Variants in FSTL5 observed in about 807,000 individuals in gnomAD.
FSTL5 encodes follistatin like 5, also known as follistatin-related protein 5.
In FSTL5, 62 loss-of-function variants were observed where a neutral mutation model predicts 89.1. The observed-to-expected ratio is 0.70, with a 90% CI of 0.57 to 0.86. FSTL5 has a LOEUF of 0.86. Ranked by LOEUF, FSTL5 falls within the 40% of genes least tolerant of loss-of-function variation. The pLI is 0.00. For missense variants in FSTL5, 1,057 were observed against 1,001.6 expected (o/e 1.06, Z -0.75); for synonymous variants, 383 against 346.2 (o/e 1.11, Z -1.18).
At chr4:161,767,891 A>G (rs1407237078) in intron 5 of FSTL5, among the ~76,000 whole-genome samples, 3 of 143,090 alleles carry the variant, frequency 2.1e-5, no homozygotes, top group African/African-American at 6.0e-5. Flanking sequence ...AATGAAAAAC[A>G]AAGACACACC....
chr4:161,611,285 T>C (rs1232490582), intron 7 of FSTL5, among the ~76,000 whole-genome samples: 1 of 146,320 alleles, frequency 6.8e-6, no homozygotes, highest in Non-Finnish European at 1.5e-5. Flanking sequence ...CCTGAATCAG[T>C]AGATTATGTC....
chr4:161,385,736 T>A lies in FSTL5; in HGVS notation c.*11A>T. 2.0e-6 allele frequency: 3 copies of A among 1,511,174 alleles called. No individual in the cohort carries two copies. The highest frequency in any genetic ancestry group is 2.7e-6 in the Non-Finnish European group (3 of 1,111,700). The allele number at this position is 1,511,174 out of a possible 1,614,324, so 93.6% of individuals were successfully genotyped here. A position where few individuals can be genotyped will look rare whatever the true frequency, so the allele number is the denominator to read the frequency against. ...TAAAACGCTTCATTCAATAATTGTA[T>A]CGTAGGGTTTTTAGGCATCTCCAAC... On this transcript the variant is annotated 3_prime_UTR_variant, in exon 16 of 16. Coordinates refer to ENST00000306100, the MANE Select transcript of FSTL5 (RefSeq NM_020116.5).
At chr4:161,676,502 G>A (rs903484691) in intron 6 of FSTL5, among the ~76,000 whole-genome samples, 1 of 151,908 alleles carries the variant, frequency 6.6e-6, no homozygotes, top group Non-Finnish European at 1.5e-5. Context: ...GGGGCCTGTC[G>A]GGAGGTGAGG....
At chr4:161,651,487 G>T (rs1012171154) in intron 7 of FSTL5, among the ~76,000 whole-genome samples, 3 of 151,978 alleles carry the variant, frequency 2.0e-5, no homozygotes, top group Admixed American at 6.6e-5. Flanking sequence ...TAGGTTCAGG[G>T]TATATGTACT....
chr4:161,958,230 T>C (rs1002169516), intron 3 of FSTL5, among the ~76,000 whole-genome samples: 6 of 152,052 alleles, frequency 3.9e-5, no homozygotes, highest in Admixed American at 2.6e-4. Context: ...AAATTCTTTC[T>C]GTAGTTTCTT....
intron 13 of FSTL5, among the ~76,000 whole-genome samples, chr4:161,463,843 A>C (rs191601778): frequency 5.9e-5 from 9 of 152,326 alleles, no homozygotes; most frequent in Admixed American, 3.9e-4. Context: ...TCACATCCTC[A>C]GGAAATGCAA....
intron 8 of FSTL5, among the ~76,000 whole-genome samples, chr4:161,582,822 T>C (rs1733480503): frequency 6.6e-6 from 1 of 152,162 alleles, no homozygotes; most frequent in Admixed American, 6.5e-5. Context: ...AGAAATATAT[T>C]GTGCCATGTC....
chr4:161,529,522 T>A (rs1362914580), intron 10 of FSTL5, among the ~76,000 whole-genome samples: 1 of 142,514 alleles, frequency 7.0e-6, no homozygotes, highest in Non-Finnish European at 1.5e-5. Flanking sequence ...ATAACCTTAT[T>A]GCTATATAAA....
At chr4:161,864,797 G>A (rs1365198434) in intron 4 of FSTL5, among the ~76,000 whole-genome samples, 13 of 150,696 alleles carry the variant, frequency 8.6e-5, no homozygotes, top group Non-Finnish European at 1.3e-4. Flanking sequence ...ACTTGAACCC[G>A]GGAGGTAGAG....
At chr4:161,966,525 T>G (rs1192636561) in intron 3 of FSTL5, among the ~76,000 whole-genome samples, 1 of 152,118 alleles carries the variant, frequency 6.6e-6, no homozygotes, top group African/African-American at 2.4e-5. Context: ...ATAAAGTTAC[T>G]TTGAGGTCTA....
At chr4:161,754,786 TATC>T (rs1740516635) in intron 6 of FSTL5, among the ~76,000 whole-genome samples, 1 of 152,166 alleles carries the variant, frequency 6.6e-6, no homozygotes, top group East Asian at 1.9e-4. Context: ...AGTGTATGGT[TATC>T]TTGTCTGATG....
chr4:162,036,566 T>C (rs1487771146), intron 2 of FSTL5, among the ~76,000 whole-genome samples: 2 of 152,014 alleles, frequency 1.3e-5, no homozygotes, highest in African/African-American at 2.4e-5. Context: ...AATTAGAACA[T>C]AGAGTAGAAC....
At chr4:161,551,207 A>C (rs545380749) in intron 8 of FSTL5, among the ~76,000 whole-genome samples, 5,776 of 149,544 alleles carry the variant, frequency 0.039, 330 homozygotes, top group African/African-American at 0.12. Context: ...CCAACAGTGT[A>C]AAAGTGTTCC....
chr4:161,877,119 G>A (rs1732469029), intron 4 of FSTL5, among the ~76,000 whole-genome samples: 1 of 151,220 alleles, frequency 6.6e-6, no homozygotes, highest in Non-Finnish European at 1.5e-5. Context: ...AGGAGGTGGA[G>A]GTTGCTGTGA....
intron 10 of FSTL5, among the ~76,000 whole-genome samples, chr4:161,532,850 CA>C (rs960458435): frequency 4.0e-5 from 6 of 151,826 alleles, no homozygotes; most frequent in South Asian, 2.1e-4. Flanking sequence ...TTAATAAATG[CA>C]AAAAAATCAA....
intron 8 of FSTL5, among the ~76,000 whole-genome samples, chr4:161,549,598 C>T (rs191938946): frequency 4.6e-5 from 7 of 151,862 alleles, no homozygotes; most frequent in East Asian, 2.0e-4. Flanking sequence ...ATGTAACATA[C>T]GTTGTCCTTG....
At chr4:161,842,947 G>C (rs1040028328) in intron 4 of FSTL5, among the ~76,000 whole-genome samples, 4 of 152,044 alleles carry the variant, frequency 2.6e-5, no homozygotes, top group Non-Finnish European at 4.4e-5. Flanking sequence ...TTGCTAACTT[G>C]ATGGTGTTTG....
At chr4:161,486,436 C>A (rs1367484063) in intron 12 of FSTL5, among the ~76,000 whole-genome samples, 1 of 152,054 alleles carries the variant, frequency 6.6e-6, no homozygotes, top group East Asian at 1.9e-4. Context: ...CTTAATATAT[C>A]ATTAAATAAA....
chr4:161,629,680 G>A (rs1735436508), intron 7 of FSTL5, among the ~76,000 whole-genome samples: 1 of 152,180 alleles, frequency 6.6e-6, no homozygotes, highest in Admixed American at 6.5e-5. Flanking sequence ...CATCTTGGAG[G>A]GAAGAAAATG....
Sources: allele counts gnomAD v4.1 joint callset (sites outside exome capture counted in the v4.1 genomes callset), GRCh38; gene constraint gnomAD v4.1.1; transcripts MANE v1.5; gene names NCBI Gene and HGNC (gene_info 2026-07-23, HGNC 2026-07-21).